Variants in GBP7 observed in about 807,000 individuals in gnomAD.
GBP7 encodes guanylate binding protein 7, also known as guanylate-binding protein 7.
Under a neutral mutation model 61.3 loss-of-function variants are expected in GBP7, and 43 were observed. The observed-to-expected ratio is 0.70, with a 90% CI of 0.55 to 0.91. GBP7 has a LOEUF of 0.91. Among genes scored for constraint, GBP7 ranks in the 40% least tolerant of loss-of-function variants. The pLI is 0.00. For synonymous variants in GBP7, 267 were observed against 271.0 expected (o/e 0.99, Z 0.14); for missense variants, 717 against 740.5 (o/e 0.97, Z 0.37).
intron 4 of GBP7, 27 bp from the exon 5 acceptor site, chr1:89,152,491 C>T (rs373348282): frequency 6.3e-7 from 1 of 1,597,486 alleles, no homozygotes; most frequent in Non-Finnish European, 8.6e-7. Flanking sequence ...GGAAGGATAG[C>T]ACCCTACACC....
chr1:89,139,753 C>T (rs1325041503), intron 9 of GBP7, among the ~76,000 whole-genome samples: 7 of 152,222 alleles, frequency 4.6e-5, no homozygotes, highest in African/African-American at 1.2e-4. Context: ...TACCATCTCA[C>T]ACCAGTTAGA....
chr1:89,138,905 G>A lies in GBP7; in HGVS notation c.1468+2641C>T, dbSNP rs377016263. ...AGAGTAAACAGACAACCTACAGAAT[G>A]GGAGAAAATATCTGCAAACTATGCA... On this transcript the variant is annotated intron_variant, in intron 9 of 10. Transcript: ENST00000294671. 3.7e-4 allele frequency among the ~76,000 whole-genome samples: 56 copies of A among 152,202 alleles called. 6 individuals carry two copies. Among genetic ancestry groups the A allele is most frequent in the Admixed American group, 9.2e-4 (14 of 15,282 alleles).
intron 2 of GBP7, among the ~76,000 whole-genome samples, chr1:89,169,917 A>G (rs998011948): frequency 2.6e-5 from 4 of 152,178 alleles, no homozygotes; most frequent in African/African-American, 7.2e-5. Context: ...GGATAATGCT[A>G]TAGTTATAAT....
At position 89,150,590 on chromosome 1, in the gene GBP7, A is replaced by G. The variant is rs1461438977; in HGVS notation, c.626-15T>C. 6.2e-7 allele frequency: 1 copy of G among 1,611,964 alleles called. No individual in the cohort carries two copies. The highest frequency in any genetic ancestry group is 1.7e-5 in the Admixed American group (1 of 59,792). ...GGGATTCTTGCCTGCAGAATTAGTGAAAAAGTGACTACTGAAGAACAGGTT... is the reference window on the plus strand; with the variant it reads ...GGGATTCTTGCCTGCAGAATTAGTGGAAAAGTGACTACTGAAGAACAGGTT... On this transcript the variant is annotated splice_polypyrimidine_tract_variant and intron_variant, in intron 5 of 10. Transcript: ENST00000294671.
chr1:89,166,338 A>G lies in GBP7; in HGVS notation c.191-1480T>C, dbSNP rs190108257. Among the ~76,000 whole-genome samples the G allele has an allele frequency of 1.5e-3, 230 of 152,202 alleles. 1 individual carries two copies. Among genetic ancestry groups the G allele is most frequent in the Non-Finnish European group, 2.8e-3 (192 of 68,008 alleles). On this transcript the variant is annotated intron_variant, in intron 2 of 10. Transcript: ENST00000294671. ...ATGGGAAGGACAGTATAAAGCATCC[A>G]CTCTAGTACAGTCTGTTGAAATGGC...
At chr1:89,156,725 C>G (rs952993489) in intron 3 of GBP7, among the ~76,000 whole-genome samples, 1 of 152,184 alleles carries the variant, frequency 6.6e-6, no homozygotes, top group Non-Finnish European at 1.5e-5. Context: ...TAGAGACCTA[C>G]AAAGAGACTT....
chr1:89,171,620 T>G (rs1647601365), intron 2 of GBP7, 126 bp downstream of exon 2: 2 of 758,614 alleles, frequency 2.6e-6, no homozygotes, highest in Admixed American at 5.5e-5. Flanking sequence ...GGTTCACTGA[T>G]GAATTCAAAG....
In GBP7 at chr1:89,149,585, G is replaced by A. The variant is rs752652919; in HGVS notation, c.872-13C>T. 1.9e-6 allele frequency: 3 copies of A among 1,592,626 alleles called. No individual in the cohort carries two copies. Among genetic ancestry groups the A allele is most frequent in the Non-Finnish European group, 2.6e-6 (3 of 1,165,166 alleles). On this transcript the variant is annotated splice_polypyrimidine_tract_variant and intron_variant, in intron 6 of 10. Coordinates refer to ENST00000294671, the MANE Select transcript of GBP7 (RefSeq NM_207398.3). ...AGCATCCCCAGCCCTGAATGATTTA[G>A]GAAATTTAGGGAATAGATAGAAAGT... is the stretch of plus-strand genomic sequence containing the variant.
intron 1 of GBP7, 26 bp from the exon 2 acceptor site, chr1:89,171,980 G>A (rs771198916): frequency 2.2e-5 from 33 of 1,489,290 alleles, no homozygotes; most frequent in Non-Finnish European, 3.0e-5. Context: ...GAAATGGAAA[G>A]TAATGTCTGG....
chr1:89,146,832 G>A (rs757590004), intron 8 of GBP7, among the ~76,000 whole-genome samples: 11 of 152,176 alleles, frequency 7.2e-5, no homozygotes, highest in Non-Finnish European at 1.5e-4. Context: ...CTTAGACACC[G>A]TTGGGAGGAA....
rs372555373 is a variant in GBP7, at chr1:89,149,528, C to T, written c.916G>A (p.Gly306Arg). ...VETYLDAINS[G>R]ATPCLENAMA... ...GCATTCTCCAGACAAGGAGTCGCTCCACTGTTGATGGCATCCAGGTAGGTC... is the reference window on the plus strand; with the variant it reads ...GCATTCTCCAGACAAGGAGTCGCTCTACTGTTGATGGCATCCAGGTAGGTC... Residue 306 changes from glycine to arginine, a missense_variant, in exon 7 of 11, where the codon GGA becomes AGA. Coordinates refer to ENST00000294671, the MANE Select transcript of GBP7 (RefSeq NM_207398.3). 39 of 1,614,026 alleles carry T rather than the reference C, an allele frequency of 2.4e-5. No individual in the cohort carries two copies. Among genetic ancestry groups the T allele is most frequent in the Non-Finnish European group, 3.2e-5 (38 of 1,180,012 alleles).
Position 89,132,409 on chromosome 1 carries a change from A to G in GBP7, c.1663-6T>C. The G allele has an allele frequency of 1.9e-6, 3 of 1,569,494 alleles. No individual in the cohort carries two copies. The highest frequency in any genetic ancestry group is 2.4e-5 in the South Asian group (2 of 84,294). On this transcript the variant is annotated splice_polypyrimidine_tract_variant and splice_region_variant and intron_variant, in intron 10 of 10. Coordinates refer to ENST00000294671, the MANE Select transcript of GBP7 (RefSeq NM_207398.3). The stretch of plus-strand genomic sequence containing the variant: ...GTAAGCAGTTCTTCTAGGACCTATA[A>G]AAGTAAAAGAGCCTACTTTTGAAAA...
chr1:89,147,851 GGAA>G (rs2100644888), intron 7 of GBP7, 72 bp from the exon 8 acceptor site: 1 of 1,490,966 alleles, frequency 6.7e-7, no homozygotes, highest in East Asian at 2.3e-5. Context: ...TGATCCTCTT[GGAA>G]GAAGTAGTCT....
chr1:89,134,903 C>T (rs777365140), intron 9 of GBP7, among the ~76,000 whole-genome samples: 76 of 151,914 alleles, frequency 5.0e-4, no homozygotes, highest in Non-Finnish European at 7.9e-4. Flanking sequence ...TGAAGATTAT[C>T]GATATTTAGG....
chr1:89,174,735 C>T (rs888151478), intron 1 of GBP7, among the ~76,000 whole-genome samples: 24 of 152,188 alleles, frequency 1.6e-4, no homozygotes, highest in African/African-American at 5.8e-4. Flanking sequence ...CCTGATAGCT[C>T]GCACCTGACA....
In GBP7 at chr1:89,136,164, C is replaced by A. The variant is rs150620017; in HGVS notation, c.1469-2713G>T. Among the ~76,000 whole-genome samples the A allele has an allele frequency of 3.2e-3, 485 of 152,236 alleles. 1 individual carries two copies. Among genetic ancestry groups the A allele is most frequent in the Non-Finnish European group, 5.5e-3 (371 of 67,996 alleles). The stretch of plus-strand genomic sequence containing the variant: ...ACTAGAGGACCCTAGATTCATAAAA[C>A]AAGTTCAAAGAGACCTATGAAGAGA... On this transcript the variant is annotated intron_variant, in intron 9 of 10. Coordinates refer to ENST00000294671, the MANE Select transcript of GBP7 (RefSeq NM_207398.3).
At chr1:89,149,202 A>G in intron 7 of GBP7, 90 bp downstream of exon 7, 1 of 1,104,412 alleles carries the variant, frequency 9.1e-7, no homozygotes, top group Non-Finnish European at 1.3e-6. Context: ...TTACTACAAG[A>G]AGGAGATGAA....
chr1:89,136,923 A>C (rs529979543), intron 9 of GBP7, among the ~76,000 whole-genome samples: 105 of 152,160 alleles, frequency 6.9e-4, no homozygotes, highest in African/African-American at 2.1e-3. Flanking sequence ...AAAAAAGAAC[A>C]AAAAAAGAGA....
chr1:89,141,205 GAAAGAAA>G (rs909422842), intron 9 of GBP7, among the ~76,000 whole-genome samples: 6 of 130,606 alleles, frequency 4.6e-5, no homozygotes, highest in Non-Finnish European at 6.7e-5. Context: ...ATAAAAGTTG[GAAAGAAA>G]AAAAAAAAAA....
Sources: allele counts gnomAD v4.1 joint callset (sites outside exome capture counted in the v4.1 genomes callset), GRCh38; gene constraint gnomAD v4.1.1; transcripts MANE v1.5; gene names NCBI Gene and HGNC (gene_info 2026-07-23, HGNC 2026-07-21).